FGF14: variants seen among roughly 807,000 people sequenced by gnomAD.
FGF14 encodes the protein fibroblast growth factor homologous factor 4.
Under a neutral mutation model 25.5 loss-of-function variants are expected in FGF14, and 5 were observed. The observed-to-expected ratio is 0.20, with a 90% CI of 0.10 to 0.41. The LOEUF is 0.41. Among genes scored for constraint, FGF14 ranks in the 10% least tolerant of loss-of-function variants. The pLI is 1.00. For synonymous variants in FGF14, 138 were observed against 118.3 expected, an observed-to-expected ratio of 1.17 and a Z score of -1.08; for missense variants, 222 against 320.1, an observed-to-expected ratio of 0.69 and a Z score of 2.34.
intron 1 of FGF14, among the ~76,000 whole-genome samples, chr13:101,937,048 C>A (rs980839898): frequency 3.3e-5 from 5 of 152,118 alleles, no homozygotes; most frequent in African/African-American, 1.2e-4. Flanking sequence ...ACTCCCCTTG[C>A]TAAAAAGGAT....
intron 1 of FGF14, among the ~76,000 whole-genome samples, chr13:102,065,367 A>G (rs115222414): frequency 0.011 from 1,705 of 152,188 alleles, 30 homozygotes; most frequent in African/African-American, 0.039. Flanking sequence ...TCCAATTCCA[A>G]TAACTTATTT....
At chr13:101,811,820 G>A (rs2041527092) in intron 3 of FGF14, among the ~76,000 whole-genome samples, 1 of 152,170 alleles carries the variant, frequency 6.6e-6, no homozygotes, top group African/African-American at 2.4e-5. Flanking sequence ...TGTAGTGGTA[G>A]CAAACTGCTG....
At chr13:102,366,655 A>T (rs2057723836) in intron 1 of FGF14, 1 of 149,804 alleles carries the variant, frequency 6.7e-6, no homozygotes, top group Admixed American at 6.7e-5. Flanking sequence ...GGTTACTTCT[A>T]GATTCTGTCT....
chr13:101,859,556 G>C (rs747962658), intron 3 of FGF14, among the ~76,000 whole-genome samples: 23 of 152,064 alleles, frequency 1.5e-4, no homozygotes, highest in Non-Finnish European at 2.5e-4. Context: ...TTGATACCAA[G>C]AGCTCTACTC....
intron 3 of FGF14, among the ~76,000 whole-genome samples, chr13:101,831,188 C>T (rs1000751585): frequency 4.6e-5 from 7 of 152,004 alleles, no homozygotes; most frequent in African/African-American, 1.4e-4. Flanking sequence ...TGAAACATGT[C>T]AGGCACTTAG....
intron 1 of FGF14, among the ~76,000 whole-genome samples, chr13:102,075,561 T>C (rs1009467220): frequency 6.6e-5 from 10 of 152,234 alleles, no homozygotes; most frequent in Non-Finnish European, 1.5e-4. Flanking sequence ...TTGATAATTA[T>C]AAAAACAACT....
At chr13:101,935,375 C>A (rs966481863) in intron 1 of FGF14, among the ~76,000 whole-genome samples, 11 of 152,166 alleles carry the variant, frequency 7.2e-5, no homozygotes, top group Non-Finnish European at 7.3e-5. Flanking sequence ...CTCAAGCTGA[C>A]CCCAACTGCT....
At chr13:102,044,511 G>A (rs530149068) in intron 1 of FGF14, among the ~76,000 whole-genome samples, 3 of 151,776 alleles carry the variant, frequency 2.0e-5, no homozygotes, top group Non-Finnish European at 2.9e-5. Flanking sequence ...GTTGAGAAAG[G>A]AATAAAAGCG....
At chr13:102,146,081 C>T (rs1169919507) in intron 1 of FGF14, among the ~76,000 whole-genome samples, 1 of 152,162 alleles carries the variant, frequency 6.6e-6, no homozygotes, top group African/African-American at 2.4e-5. Context: ...TTCTGCAAGC[C>T]TTGTTCTTGT....
At chr13:101,863,830 T>C (rs2044554793) in intron 3 of FGF14, among the ~76,000 whole-genome samples, 1 of 152,142 alleles carries the variant, frequency 6.6e-6, no homozygotes, top group African/African-American at 2.4e-5. Context: ...TGCAAGAAGA[T>C]GAACAGTTCA....
intron 1 of FGF14, among the ~76,000 whole-genome samples, chr13:102,294,927 A>T (rs2054621831): frequency 6.6e-6 from 1 of 152,192 alleles, no homozygotes; most frequent in Admixed American, 6.5e-5. Context: ...GCACAGAGTA[A>T]GCTCTGTGTT....
At chr13:102,274,150 A>G (rs1438805780) in intron 1 of FGF14, among the ~76,000 whole-genome samples, 1 of 152,156 alleles carries the variant, frequency 6.6e-6, no homozygotes, top group South Asian at 2.1e-4. Context: ...CATTGCCACT[A>G]TCCCTTGCCT....
At chr13:101,898,569 A>T (rs1053142333) in intron 1 of FGF14, among the ~76,000 whole-genome samples, 3 of 152,294 alleles carry the variant, frequency 2.0e-5, no homozygotes, top group Admixed American at 6.5e-5. Flanking sequence ...CTTGGTCATG[A>T]GCTTTATATA....
intron 1 of FGF14, among the ~76,000 whole-genome samples, chr13:102,233,769 A>G (rs1260124574): frequency 6.6e-6 from 1 of 152,214 alleles, no homozygotes; most frequent in Admixed American, 6.5e-5. Context: ...GTCGACACAC[A>G]ACCCAGACAC....
intron 1 of FGF14, among the ~76,000 whole-genome samples, chr13:101,939,981 G>A (rs901040385): frequency 6.6e-6 from 1 of 152,214 alleles, no homozygotes; most frequent in Admixed American, 6.5e-5. Context: ...ACAACAGACA[G>A]AACAAGGTAA....
intron 1 of FGF14, among the ~76,000 whole-genome samples, chr13:102,129,549 G>A (rs560377486): frequency 1.3e-5 from 2 of 152,114 alleles, no homozygotes; most frequent in Non-Finnish European, 2.9e-5. Flanking sequence ...TATATTACAT[G>A]AGTATTTCCC....
intron 1 of FGF14, among the ~76,000 whole-genome samples, chr13:101,879,871 G>A (rs924396659): frequency 5.3e-5 from 8 of 152,068 alleles, no homozygotes; most frequent in Non-Finnish European, 7.4e-5. Flanking sequence ...AATAGTATTT[G>A]AATAATTTGC....
rs144972790 is a variant in FGF14 at position 102,351,731 on chromosome 13, G to A, written c.208+49740C>T. ...CACCATGGGGGCCTTTCCACAGGCC[G>A]CCTGAGCATCCTCAGGATGTGACAG... On this transcript the variant is annotated intron_variant, in intron 1 of 4. Transcript: ENST00000376131. Among the ~76,000 whole-genome samples the A allele has an allele frequency of 2.8e-4, 42 of 152,346 alleles. No homozygotes were observed. The East Asian group carries it at 7.3e-3, about 27-fold the overall frequency.
chr13:102,274,254 A>G (rs1016284268), intron 1 of FGF14, among the ~76,000 whole-genome samples: 24 of 152,176 alleles, frequency 1.6e-4, no homozygotes, highest in African/African-American at 5.8e-4. Context: ...TACTTAATAC[A>G]ATAACATCAC....
Sources: allele counts gnomAD v4.1 joint callset (sites outside exome capture counted in the v4.1 genomes callset), GRCh38; gene constraint gnomAD v4.1.1; transcripts MANE v1.5; gene names NCBI Gene and HGNC (gene_info 2026-07-23, HGNC 2026-07-21).